The following CLTA variants were observed in gnomAD, a reference collection of about 807,000 sequenced individuals.
CLTA encodes the protein clathrin, light polypeptide (Lca).
A neutral mutation model predicts 26.9 loss-of-function variants in CLTA; 9 were observed. The ratio of observed to expected loss-of-function variants is 0.33; its 90% confidence interval spans 0.20 to 0.58. CLTA has a LOEUF of 0.58. Among genes scored for constraint, CLTA ranks in the 20% least tolerant of loss-of-function variants. CLTA has a pLI of 0.85. For synonymous variants in CLTA, 120 were observed against 115.5 expected, an observed-to-expected ratio of 1.04 and a Z score of -0.25; for missense variants, 278 against 294.2, an observed-to-expected ratio of 0.94 and a Z score of 0.40.
intron 4 of CLTA, among the ~76,000 whole-genome samples, chr9:36,204,530 A>T (rs1369142219): frequency 2.0e-5 from 3 of 152,114 alleles, no homozygotes; most frequent in Non-Finnish European, 4.4e-5. Flanking sequence ...ATGATTATAG[A>T]CTTGGTCATG....
chr9:36,197,529 A>T, intron 1 of CLTA, 22 bp from the exon 2 acceptor site: 4 of 1,604,200 alleles, frequency 2.5e-6, no homozygotes, highest in Non-Finnish European at 3.4e-6. Flanking sequence ...TTATTGATAG[A>T]CCAAAATCTT....
intron 1 of CLTA, among the ~76,000 whole-genome samples, chr9:36,196,945 G>A (rs1042749840): frequency 6.6e-6 from 1 of 152,180 alleles, no homozygotes; most frequent in African/African-American, 2.4e-5. Context: ...AGACCGAGGC[G>A]GGTGGATCGC....
At chr9:36,198,702 GAAA>G (rs546254007) in intron 2 of CLTA, among the ~76,000 whole-genome samples, 3 of 66,286 alleles carry the variant, frequency 4.5e-5, no homozygotes, top group Admixed American at 1.7e-4. Flanking sequence ...CCCCACCCCA[GAAA>G]AAAAAAAAAA....
chr9:36,191,099 G>C lies in CLTA; in HGVS notation c.43G>C (p.Gly15Arg). Residue 15 changes from glycine (G) to arginine (R), a missense_variant, in exon 1 of 5, where the codon GGC becomes CGC. By Grantham distance (125) the Gly-to-Arg change is moderately radical. Transcript: ENST00000345519. ...DPFGAPAGAP[G>R]GPALGNGVAG... ...GTTCGGCGCCCCTGCCGGCGCCCCTGGCGGTCCCGCGCTGGGGAACGGAGT... is the reference window on the plus strand; with the variant it reads ...GTTCGGCGCCCCTGCCGGCGCCCCTCGCGGTCCCGCGCTGGGGAACGGAGT... 1.9e-6 allele frequency: 3 copies of C among 1,594,226 alleles called. No individual in the cohort carries two copies. The highest frequency in any genetic ancestry group is 2.7e-5 in the African/African-American group (2 of 73,770).
At chr9:36,200,076 G>A (rs79697751) in intron 3 of CLTA, among the ~76,000 whole-genome samples, 3,145 of 152,308 alleles carry the variant, frequency 0.021, 101 homozygotes, top group African/African-American at 0.071. Context: ...AGATGTGTAC[G>A]TGGAGTGTCA....
Position 36,204,187 on chromosome 9 carries a change from C to A in CLTA, c.485+8C>A, listed in dbSNP as rs1482571952. On this transcript the variant is annotated splice_region_variant and intron_variant, in intron 4 of 4. Transcript: ENST00000345519. ...AACAAAAGCAAACAACAGGTCAGTCCGTGGTGGTTGTAGCACACTTTGTTT... is the reference window on the plus strand; with the variant it reads ...AACAAAAGCAAACAACAGGTCAGTCAGTGGTGGTTGTAGCACACTTTGTTT... 6.2e-6 allele frequency: 10 copies of A among 1,610,598 alleles called. No individual in the cohort carries two copies. In the South Asian group the frequency reaches 1.1e-4, roughly 18 times the overall value.
intron 3 of CLTA, among the ~76,000 whole-genome samples, chr9:36,203,397 C>T (rs773919207): frequency 3.9e-5 from 6 of 152,236 alleles, no homozygotes; most frequent in Non-Finnish European, 7.3e-5. Flanking sequence ...CACAAACACA[C>T]TGCAGACCAA....
intron 2 of CLTA, among the ~76,000 whole-genome samples, chr9:36,197,959 T>C (rs572498359): frequency 6.6e-6 from 1 of 151,890 alleles, no homozygotes; most frequent in African/African-American, 2.4e-5. Flanking sequence ...GTGAGTGGCA[T>C]ATGGAATAAT....
chr9:36,194,056 C>T (rs1044753514), intron 1 of CLTA, among the ~76,000 whole-genome samples: 11 of 152,118 alleles, frequency 7.2e-5, no homozygotes, highest in African/African-American at 1.4e-4. Context: ...TTGAGACAGT[C>T]GCTCTGTCAC....
intron 1 of CLTA, among the ~76,000 whole-genome samples, chr9:36,196,981 C>T (rs1827087967): frequency 1.3e-5 from 2 of 152,138 alleles, no homozygotes; most frequent in African/African-American, 4.8e-5. Context: ...CGATAGCAGC[C>T]TGGGCAGCAT....
chr9:36,210,993 G>A (rs1240752346), intron 4 of CLTA, among the ~76,000 whole-genome samples: 1 of 152,206 alleles, frequency 6.6e-6, no homozygotes, highest in Non-Finnish European at 1.5e-5. Context: ...TGTGCCCTGA[G>A]TGGCCCCAAG....
chr9:36,190,948 T>A lies in CLTA; in HGVS notation c.-109T>A, dbSNP rs1826653389. The A allele has an allele frequency of 3.5e-6, 5 of 1,431,692 alleles. No individual in the cohort carries two copies. The highest frequency in any genetic ancestry group is 1.5e-5 in the African/African-American group (1 of 67,422). The allele number at this position is 1,431,692 out of a possible 1,614,324, so 88.7% of individuals were successfully genotyped here. A position where few individuals can be genotyped will look rare whatever the true frequency, so the allele number is the denominator to read the frequency against. On this transcript the variant is annotated 5_prime_UTR_variant, in exon 1 of 5. In the 5' UTR this introduces an upstream ATG that the reference lacks. Coordinates refer to ENST00000345519, the MANE Select transcript of CLTA (RefSeq NM_001833.4). ...GCTTTACCCGTCTCCCTCCTGGCGC[T>A]TGTCCTCCTCTCCCAGTCGGCACCA... is the stretch of plus-strand genomic sequence containing the variant.
At position 36,209,730 on chromosome 9, in the gene CLTA, G is replaced by A. The variant is rs1238120598; in HGVS notation, c.486-1873G>A. ...CTGGGAGCAGGTGGCAGTCCCAGGA[G>A]GTTAGGAGCCAGTGAGCAGCAGCAC... On this transcript the variant is annotated intron_variant, in intron 4 of 4. Transcript: ENST00000345519. 2.6e-5 allele frequency among the ~76,000 whole-genome samples: 4 copies of A among 152,224 alleles called. No homozygotes were observed. In the East Asian group the frequency reaches 7.7e-4, roughly 29 times the overall value.
chr9:36,193,094 G>A (rs1826831416), intron 1 of CLTA, among the ~76,000 whole-genome samples: 2 of 152,214 alleles, frequency 1.3e-5, no homozygotes, highest in African/African-American at 4.8e-5. Context: ...AATAGAGTTG[G>A]ATGCTCGGTC....
rs1360840220 is a variant in CLTA at position 36,204,089 on chromosome 9, A to C, written c.395A>C (p.Glu132Ala). The change falls in exon 4 of 5, where the codon GAA becomes GCA. Residue 132 changes from glutamate to alanine, a missense_variant. Glu to Ala is a moderately radical substitution (Grantham distance 107, BLOSUM62 -1). Transcript: ENST00000345519. ...AAAGATGCCAATTCTCGGAAGCAAG[A>C]AGCAGAGTGGAAAGAAAAGGCAATA... ...EALDANSRKQEAEWKEKAIKE... is the reference protein window; with the variant it reads ...EALDANSRKQAAEWKEKAIKE... 1 of 1,614,170 alleles carries C rather than the reference A, an allele frequency of 6.2e-7. No homozygotes were observed.
intron 3 of CLTA, among the ~76,000 whole-genome samples, chr9:36,202,875 G>A (rs1330234125): frequency 6.6e-6 from 1 of 150,484 alleles, no homozygotes; most frequent in Non-Finnish European, 1.5e-5. Flanking sequence ...AGGCTGGAGT[G>A]CAGTGGTGCG....
chr9:36,210,062 C>G (rs1217589822), intron 4 of CLTA, among the ~76,000 whole-genome samples: 1 of 151,932 alleles, frequency 6.6e-6, no homozygotes, highest in East Asian at 1.9e-4. Context: ...CCTGCATCTT[C>G]TCTGGAGAAG....
chr9:36,195,726 G>A (rs1056751739), intron 1 of CLTA, among the ~76,000 whole-genome samples: 1 of 152,130 alleles, frequency 6.6e-6, no homozygotes, highest in Non-Finnish European at 1.5e-5. Flanking sequence ...CAGCACTTTC[G>A]GAGGCTGAAG....
At chr9:36,193,786 T>C (rs1290822065) in intron 1 of CLTA, among the ~76,000 whole-genome samples, 1 of 152,216 alleles carries the variant, frequency 6.6e-6, no homozygotes, top group Admixed American at 6.5e-5. Context: ...GGGCTAAGCC[T>C]TGGATGACTC....
Sources: allele counts gnomAD v4.1 joint callset (sites outside exome capture counted in the v4.1 genomes callset), GRCh38; gene constraint gnomAD v4.1.1; transcripts MANE v1.5; gene names NCBI Gene and HGNC (gene_info 2026-07-23, HGNC 2026-07-21).